TTC28: variants seen among roughly 807,000 people sequenced by gnomAD.
TTC28 encodes tetratricopeptide repeat domain 28.
In TTC28, 61 loss-of-function variants were observed where a neutral mutation model predicts 198.0. The ratio of observed to expected loss-of-function variants is 0.31; its 90% CI spans 0.25 to 0.38. The LOEUF (loss-of-function observed/expected upper bound fraction) is 0.38. Among genes scored for constraint, TTC28 ranks in the 10% least tolerant of loss-of-function variants. The probability of loss-of-function intolerance (pLI) is 1.00; values close to 1 mark genes in which losing one functional copy is unlikely to be tolerated. For synonymous variants in TTC28, 1,171 were observed against 1,297.8 expected, an observed-to-expected ratio of 0.90 and a Z score of 2.10; for missense variants, 2,678 against 3,164.0, an observed-to-expected ratio of 0.85 and a Z score of 3.69.
intron 13 of TTC28, among the ~76,000 whole-genome samples, chr22:28,022,387 C>G (rs1271985720): frequency 6.6e-6 from 1 of 152,274 alleles, no homozygotes; most frequent in Non-Finnish European, 1.5e-5. Context: ...TGATCAGACA[C>G]ATGGTCCTCA....
chr22:28,355,422 T>C (rs1321055319), intron 2 of TTC28, among the ~76,000 whole-genome samples: 1 of 152,210 alleles, frequency 6.6e-6, no homozygotes, highest in East Asian at 1.9e-4. Context: ...ATCTACACAA[T>C]ACTTACCTTT....
chr22:28,530,553 A>G (rs945914575), intron 2 of TTC28, among the ~76,000 whole-genome samples: 1 of 152,216 alleles, frequency 6.6e-6, no homozygotes, highest in Non-Finnish European at 1.5e-5. Flanking sequence ...CAGGAAATAC[A>G]GAGAACGCCA....
intron 12 of TTC28, among the ~76,000 whole-genome samples, chr22:28,080,165 C>T (rs1211253998): frequency 6.6e-6 from 1 of 152,172 alleles, no homozygotes; most frequent in Non-Finnish European, 1.5e-5. Flanking sequence ...AATATGTGTG[C>T]CAATATCTCT....
chr22:28,540,179 C>T (rs2049382295), intron 2 of TTC28, among the ~76,000 whole-genome samples: 1 of 151,974 alleles, frequency 6.6e-6, no homozygotes, highest in East Asian at 1.9e-4. Context: ...ATCTCCTGAC[C>T]TCATGATCCG....
intron 2 of TTC28, among the ~76,000 whole-genome samples, chr22:28,457,203 T>C (rs1413875569): frequency 1.3e-5 from 2 of 152,174 alleles, no homozygotes; most frequent in Non-Finnish European, 2.9e-5. Flanking sequence ...CAAAGCTAAT[T>C]AGGCCGAGTA....
Position 28,107,858 on chromosome 22 carries a change from G to C in TTC28, c.1987C>G (p.Leu663Val). The C allele has an allele frequency of 6.4e-7, 1 of 1,551,836 alleles. No individual in the cohort carries two copies. Among genetic ancestry groups the C allele is most frequent in the Non-Finnish European group, 8.7e-7 (1 of 1,147,020 alleles). ...AACTTGTCGTGAAGGTCTTTAGCCA[G>C]TGCCAGATCCTGTTCGTAGTACTTC... is the stretch of plus-strand genomic sequence containing the variant. ...AVKYYEQDLA[L>V]AKDLHDKLSQ... The change falls in exon 7 of 23, where the codon CTG becomes GTG. Residue 663 changes from leucine (L) to valine (V), a missense_variant. Physicochemically the swap from Leu to Val is conservative, Grantham distance 32 (BLOSUM62 1). Around this residue, in one of 8 missense-constraint regions of TTC28, gnomAD observed 775 missense variants for 845.9 expected, o/e 0.92. Coordinates refer to ENST00000397906, the MANE Select transcript of TTC28 (RefSeq NM_001145418.2).
rs1340367149 is a variant in TTC28 at position 28,087,127 on chromosome 22, T to C, written c.3932+6953A>G. ...TTCCTTCTGAAACTATTCCAATCAA[T>C]AGAAAAAGAGGGAATCCTCCCTAAC... On this transcript the variant is annotated intron_variant, in intron 12 of 22. Transcript: ENST00000397906. Among the ~76,000 whole-genome samples the C allele has an allele frequency of 5.9e-5, 9 of 152,018 alleles. No homozygotes were observed. In the East Asian group the frequency reaches 1.2e-3, roughly 20 times the overall value.
chr22:28,038,930 C>T (rs1939484400), intron 12 of TTC28, among the ~76,000 whole-genome samples: 1 of 152,220 alleles, frequency 6.6e-6, no homozygotes, highest in Non-Finnish European at 1.5e-5. Flanking sequence ...TGCTCAACAT[C>T]ACTGGCCATC....
Position 28,647,090 on chromosome 22 carries a change from C to T in TTC28, c.103-17260G>A, listed in dbSNP as rs141910257. 4.3e-3 allele frequency among the ~76,000 whole-genome samples: 650 copies of T among 152,200 alleles called. 5 individuals are homozygous for T. Among genetic ancestry groups the T allele is most frequent in the African/African-American group, 0.015 (621 of 41,518 alleles). On this transcript the variant is annotated intron_variant, in intron 1 of 22. Coordinates refer to ENST00000397906, the MANE Select transcript of TTC28 (RefSeq NM_001145418.2). ...CAGAAATAAAGCCAAATACTTACAA[C>T]CAACTGATCTTTGATAAAGCATACA... is the stretch of plus-strand genomic sequence containing the variant.
chr22:28,670,001 A>G (rs189956125), intron 1 of TTC28, among the ~76,000 whole-genome samples: 12 of 151,778 alleles, frequency 7.9e-5, no homozygotes, highest in East Asian at 3.9e-4. Context: ...ATACAACTCT[A>G]TCAGTATTGA....
At chr22:28,517,636 T>A (rs1408269883) in intron 2 of TTC28, among the ~76,000 whole-genome samples, 2 of 152,196 alleles carry the variant, frequency 1.3e-5, no homozygotes, top group African/African-American at 2.4e-5. Context: ...GTAAGAAAAC[T>A]TTTAAGCTAC....
chr22:28,476,990 G>A (rs114736914), intron 2 of TTC28, among the ~76,000 whole-genome samples: 2,334 of 152,216 alleles, frequency 0.015, 65 homozygotes, highest in African/African-American at 0.049. Context: ...CAGACATTAC[G>A]TTGAATGAAA....
At chr22:28,115,195 C>A (rs1415566119) in intron 6 of TTC28, among the ~76,000 whole-genome samples, 1 of 152,140 alleles carries the variant, frequency 6.6e-6, no homozygotes, top group African/African-American at 2.4e-5. Context: ...ACACTCCAGC[C>A]TGTGACCCGG....
intron 2 of TTC28, among the ~76,000 whole-genome samples, chr22:28,408,258 C>T (rs899567293): frequency 9.9e-5 from 15 of 152,272 alleles, no homozygotes; most frequent in Admixed American, 8.5e-4. Flanking sequence ...TTTAGTTCCT[C>T]GGGAAGAACA....
chr22:28,306,739 T>C, intron 2 of TTC28, 96 bp from the exon 3 acceptor site: 1 of 1,304,730 alleles, frequency 7.7e-7, no homozygotes, highest in African/African-American at 1.5e-5. Flanking sequence ...GAACTAAGAT[T>C]GAGATGTACT....
chr22:28,492,106 G>A (rs929246131), intron 2 of TTC28, among the ~76,000 whole-genome samples: 4 of 147,012 alleles, frequency 2.7e-5, no homozygotes, highest in Non-Finnish European at 6.0e-5. Flanking sequence ...ACCAGAGACT[G>A]TTGTGGGGTG....
chr22:28,632,253 C>CTT (rs765447917), intron 1 of TTC28, among the ~76,000 whole-genome samples: 2,296 of 49,744 alleles, frequency 0.046, 447 homozygotes, highest in Non-Finnish European at 0.06. Flanking sequence ...TTATATTCAA[C>CTT]TTTTTTTTTT....
chr22:28,674,394 A>T (rs1472956626), intron 1 of TTC28, among the ~76,000 whole-genome samples: 1 of 152,010 alleles, frequency 6.6e-6, no homozygotes, highest in Non-Finnish European at 1.5e-5. Flanking sequence ...GAAGATAAAA[A>T]ACAAATATCA....
intron 2 of TTC28, among the ~76,000 whole-genome samples, chr22:28,437,144 A>AT (rs774653199): frequency 6.6e-6 from 1 of 151,984 alleles, no homozygotes; most frequent in African/African-American, 2.4e-5. Context: ...GTGCAGTGGC[A>AT]TGACCTCAGC....
Sources: allele counts gnomAD v4.1 joint callset (sites outside exome capture counted in the v4.1 genomes callset), GRCh38; gene constraint gnomAD v4.1.1; regional missense constraint gnomAD v4.1.1; transcripts MANE v1.5; gene names NCBI Gene and HGNC (gene_info 2026-07-23, HGNC 2026-07-21).